STOML3: variants seen among roughly 807,000 people sequenced by gnomAD.
STOML3 encodes the protein stomatin-like protein 3.
In STOML3, 31 loss-of-function variants were observed where a neutral mutation model predicts 29.5. The ratio of observed to expected loss-of-function variants is 1.05; its 90% confidence interval spans 0.79 to 1.42. The LOEUF is 1.42. Ranked by LOEUF, STOML3 falls within the 40% of genes most tolerant of loss-of-function variation. The pLI is 0.00. For missense variants in STOML3, 380 were observed against 363.0 expected, an observed-to-expected ratio of 1.05 and a Z score of -0.38; for synonymous variants, 122 against 139.8, an observed-to-expected ratio of 0.87 and a Z score of 0.90.
intron 1 of STOML3, among the ~76,000 whole-genome samples, chr13:38,977,347 G>A (rs1353704722): frequency 1.3e-5 from 2 of 152,198 alleles, no homozygotes; most frequent in East Asian, 3.8e-4. Flanking sequence ...CAGTCTCTGG[G>A]TTTCTGTTTC....
At chr13:38,988,881 T>A (rs1868865041) in intron 1 of STOML3, among the ~76,000 whole-genome samples, 1 of 142,428 alleles carries the variant, frequency 7.0e-6, no homozygotes, top group African/African-American at 2.6e-5. Flanking sequence ...TAATATATAT[T>A]ATTACATATT....
rs754830596 is a variant in STOML3 at position 38,971,038 on chromosome 13, C to CT, written c.313-651dup. Among the ~76,000 whole-genome samples the CT allele has an allele frequency of 5.1e-4, 76 of 148,048 alleles. 1 individual carries two copies. Among genetic ancestry groups the CT allele is most frequent in the South Asian group, 1.7e-3 (8 of 4,650 alleles). ...TCTCCTGACTGCAGCTGAATTCTTTCTTTTTTTTTTTTGAGATGGAGTTTG... is the reference window on the plus strand; with the variant it reads ...TCTCCTGACTGCAGCTGAATTCTTTCTTTTTTTTTTTTTGAGATGGAGTTTG... On this transcript the variant is annotated intron_variant, in intron 4 of 6. Coordinates refer to ENST00000379631, the MANE Select transcript of STOML3 (RefSeq NM_145286.3).
intron 1 of STOML3, among the ~76,000 whole-genome samples, chr13:38,978,921 A>G (rs570357894): frequency 2.6e-5 from 4 of 152,308 alleles, no homozygotes; most frequent in Admixed American, 6.5e-5. Flanking sequence ...TACAATTTTG[A>G]TAGATGATAA....
chr13:38,983,030 CT>C (rs755388402), intron 1 of STOML3, among the ~76,000 whole-genome samples: 5 of 152,238 alleles, frequency 3.3e-5, no homozygotes, highest in South Asian at 2.1e-4. Context: ...CTATTTTCCC[CT>C]ATCCCTCTGT....
chr13:38,985,012 G>A (rs988204735), intron 1 of STOML3, among the ~76,000 whole-genome samples: 4 of 152,098 alleles, frequency 2.6e-5, no homozygotes, highest in African/African-American at 9.7e-5. Context: ...AGAAATCATG[G>A]TTCATCAGAC....
rs755058141 is a variant in STOML3, at chr13:38,970,283, T to C, written c.418A>G (p.Thr140Ala). Residue 140 changes from threonine to alanine, a missense_variant, in exon 5 of 7, where the codon ACA becomes GCA. Coordinates refer to ENST00000379631, the MANE Select transcript of STOML3 (RefSeq NM_145286.3). ...VANVNDVHQA[T>A]FLLAQTTLRN... ...AGAGTGGTTTGAGCCAGCAGAAATG[T>C]TGCTTGATGGACATCGTTGACATTA... The C allele has an allele frequency of 2.5e-5, 41 of 1,614,092 alleles. 2 individuals carry two copies. In the South Asian group the frequency reaches 4.2e-4, roughly 16 times the overall value.
chr13:38,973,408 T>C (rs1880962292), intron 3 of STOML3, among the ~76,000 whole-genome samples: 1 of 152,210 alleles, frequency 6.6e-6, no homozygotes, highest in African/African-American at 2.4e-5. Context: ...GAAGTTTATT[T>C]CATATAGTTC....
chr13:38,971,215 T>C (rs1186565529), intron 4 of STOML3, among the ~76,000 whole-genome samples: 1 of 152,082 alleles, frequency 6.6e-6, no homozygotes. Context: ...GTATTTTTAG[T>C]AGAGATGAGG....
rs1197069017 is a variant in STOML3 at position 38,977,500 on chromosome 13, ATGAATATGTATTCCAGGGACT to A, written c.53-724_53-704del. ...ATTCTACTTTTATTCCCATTTCCAG[ATGAATATGTATTCCAGGGACT>A]TGTTGTCAGATGTTGATATTTGCCC... On this transcript the variant is annotated intron_variant, in intron 1 of 6. Coordinates refer to ENST00000379631, the MANE Select transcript of STOML3 (RefSeq NM_145286.3). Among the ~76,000 whole-genome samples the A allele has an allele frequency of 2.0e-5, 3 of 152,340 alleles. No individual in the cohort carries two copies. In the East Asian group the frequency reaches 5.8e-4, roughly 29 times the overall value.
At chr13:38,976,934 C>A in intron 1 of STOML3, 137 bp from the exon 2 acceptor site, 1 of 683,176 alleles carries the variant, frequency 1.5e-6, no homozygotes, top group South Asian at 1.7e-5. Flanking sequence ...CCATTTACAC[C>A]ATGGATGTAG....
rs144392152 is a variant in STOML3 at position 38,972,041 on chromosome 13, G to A, written c.312+471C>T. On this transcript the variant is annotated intron_variant, in intron 4 of 6. Transcript: ENST00000379631. ...GCCCCCTCTATTGCATCCAAACACA[G>A]AAATAATTTAAAGTCAGAAGCAAAT... Among the ~76,000 whole-genome samples, 889 of 152,300 alleles carry A rather than the reference G, an allele frequency of 5.8e-3. 4 individuals carry two copies. Among genetic ancestry groups the A allele is most frequent in the Non-Finnish European group, 9.7e-3 (658 of 68,018 alleles).
intron 1 of STOML3, among the ~76,000 whole-genome samples, chr13:38,979,141 T>C (rs1224857337): frequency 6.6e-6 from 1 of 152,228 alleles, no homozygotes; most frequent in South Asian, 2.1e-4. Context: ...ATACATATTC[T>C]GAACAATAAG....
At chr13:38,972,399 C>T in intron 4 of STOML3, 113 bp downstream of exon 4, 1 of 1,006,386 alleles carries the variant, frequency 9.9e-7, no homozygotes. Flanking sequence ...TCTGCGGGTA[C>T]TCAGCTCATC....
intron 1 of STOML3, among the ~76,000 whole-genome samples, chr13:38,985,911 CTTTTTTT>C (rs1170409048): frequency 0.018 from 1,578 of 85,634 alleles, 7 homozygotes; most frequent in African/African-American, 0.069. Flanking sequence ...TCTTTTCTTT[CTTTTTTT>C]TTTTTTTTTT....
rs570418164 is a variant in STOML3, at chr13:38,979,395, C to T, written c.53-2598G>A. Among the ~76,000 whole-genome samples the T allele has an allele frequency of 2.0e-5, 3 of 152,056 alleles. No homozygotes were observed. In the East Asian group the frequency reaches 5.8e-4, roughly 29 times the overall value. On this transcript the variant is annotated intron_variant, in intron 1 of 6. Coordinates refer to ENST00000379631, the MANE Select transcript of STOML3 (RefSeq NM_145286.3). ...CTAAAGTTCCCTGAACCATCCTCTC[C>T]TCAGTCCCACTTTTATCTAGAGAAG...
At position 38,988,160 on chromosome 13, in the gene STOML3, T is replaced by C. The variant is rs189669061; in HGVS notation, c.52+2510A>G. Among the ~76,000 whole-genome samples the C allele has an allele frequency of 1.6e-3, 160 of 97,070 alleles. 9 individuals carry two copies. Among genetic ancestry groups the C allele is most frequent in the Admixed American group, 6.8e-3 (40 of 5,872 alleles). The allele number at this position is 97,070 out of a possible 152,430, so 63.7% of individuals were successfully genotyped here. A position where few individuals can be genotyped will look rare whatever the true frequency, so the allele number is the denominator to read the frequency against. On this transcript the variant is annotated intron_variant, in intron 1 of 6. Coordinates refer to ENST00000379631, the MANE Select transcript of STOML3 (RefSeq NM_145286.3). ...ATCATATATTTTATATCATATATTTTATATATAATATATTATATTTTATAT... is the reference window on the plus strand; with the variant it reads ...ATCATATATTTTATATCATATATTTCATATATAATATATTATATTTTATAT...
At chr13:38,990,636 A>C in intron 1 of STOML3, 34 bp downstream of exon 1, 1 of 1,612,166 alleles carries the variant, frequency 6.2e-7, no homozygotes, top group Non-Finnish European at 8.5e-7. Context: ...CATATATGTA[A>C]AAAACAAGCC....
chr13:38,976,475 G>A, intron 3 of STOML3, 65 bp downstream of exon 3: 1 of 1,564,678 alleles, frequency 6.4e-7, no homozygotes, highest in Non-Finnish European at 8.8e-7. Context: ...GAAAAATATT[G>A]AAGGTGGTAG....
chr13:38,972,416 C>T lies in STOML3; in HGVS notation c.312+96G>A, dbSNP rs1009345915. The T allele has an allele frequency of 4.0e-6, 5 of 1,236,442 alleles. No homozygotes were observed. The African/African-American group carries it at 6.0e-5, about 15-fold the overall frequency. The allele number at this position is 1,236,442 out of a possible 1,614,324, so 76.6% of individuals were successfully genotyped here. On this transcript the variant is annotated intron_variant, in intron 4 of 6. Transcript: ENST00000379631. ...TGCGGGTACTCAGCTCATCTTCCCT[C>T]CTATAGTTTAAAAGTGAACTATAAA... is the stretch of plus-strand genomic sequence containing the variant.
Sources: allele counts gnomAD v4.1 joint callset (sites outside exome capture counted in the v4.1 genomes callset), GRCh38; gene constraint gnomAD v4.1.1; transcripts MANE v1.5; gene names NCBI Gene and HGNC (gene_info 2026-07-23, HGNC 2026-07-21).